MED26: variants seen among roughly 807,000 people sequenced by gnomAD.
MED26 encodes the protein mediator complex subunit 26.
In MED26, 7 loss-of-function variants were observed where a neutral mutation model predicts 43.7. The observed-to-expected ratio is 0.16, with a 90% CI of 0.09 to 0.30. The LOEUF is 0.30. MED26 is among the 10% of genes least tolerant of loss of function. The probability of loss-of-function intolerance (pLI) is 1.00; values close to 1 mark genes in which losing one functional copy is unlikely to be tolerated. For missense variants in MED26, 784 were observed against 840.6 expected (o/e 0.93, Z 0.83); for synonymous variants, 375 against 371.1 (o/e 1.01, Z -0.12).
intron 1 of MED26, among the ~76,000 whole-genome samples, chr19:16,582,375 C>T (rs773726399): frequency 2.0e-5 from 3 of 152,204 alleles, no homozygotes; most frequent in Non-Finnish European, 4.4e-5. Context: ...GGCCTGGCCC[C>T]GACCCCAGGC....
rs926684804 is a variant in MED26 at position 16,584,309 on chromosome 19, G to A, written c.73-5900C>T. On this transcript the variant is annotated intron_variant, in intron 1 of 2. Transcript: ENST00000263390. ...CCCAAACACTGCCCCCCCCCGCCCC[G>A]CCAAAAAAAAACAAAAAACAAAACA... is the stretch of plus-strand genomic sequence containing the variant. Among the ~76,000 whole-genome samples, 5 of 126,006 alleles carry A rather than the reference G, an allele frequency of 4.0e-5. 1 individual carries two copies. Among genetic ancestry groups the A allele is most frequent in the Non-Finnish European group, 6.6e-5 (4 of 60,382 alleles). 82.7% of individuals were successfully genotyped at this position (126,006 alleles called of 152,430 possible). A position where few individuals can be genotyped will look rare whatever the true frequency, so the allele number is the denominator to read the frequency against.
chr19:16,615,171 G>A (rs1040191167), intron 1 of MED26, among the ~76,000 whole-genome samples: 1 of 152,174 alleles, frequency 6.6e-6, no homozygotes, highest in Non-Finnish European at 1.5e-5. Context: ...ATAGTCAGAA[G>A]ACAGGGATGC....
At chr19:16,596,301 A>G (rs2086119730) in intron 1 of MED26, among the ~76,000 whole-genome samples, 1 of 152,266 alleles carries the variant, frequency 6.6e-6, no homozygotes, top group Non-Finnish European at 1.5e-5. Context: ...ATGCTGCGTC[A>G]GAGCTGTTAT....
At chr19:16,604,366 G>T (rs2086163035) in intron 1 of MED26, among the ~76,000 whole-genome samples, 1 of 152,208 alleles carries the variant, frequency 6.6e-6, no homozygotes, top group Non-Finnish European at 1.5e-5. Context: ...CAGGGACAGG[G>T]GTCAAAGGAG....
chr19:16,579,196 G>C lies in MED26; in HGVS notation c.73-787C>G, dbSNP rs563438391. Among the ~76,000 whole-genome samples the C allele has an allele frequency of 1.1e-4, 16 of 152,284 alleles. No homozygotes were observed. In the South Asian group the frequency reaches 3.1e-3, roughly 30 times the overall value. On this transcript the variant is annotated intron_variant, in intron 1 of 2. Transcript: ENST00000263390. ...AAGTCACAAAGTGGGAGAAGGCATA[G>C]GCCACAGGCCCCCAAGGAGCTGTAT...
chr19:16,618,849 AAACGTTTGGT>A (rs1041827503), intron 1 of MED26, among the ~76,000 whole-genome samples: 2 of 152,228 alleles, frequency 1.3e-5, no homozygotes, highest in African/African-American at 4.8e-5. Context: ...AGGCATAAGG[AAACGTTTGGT>A]GGGGCTTCCA....
chr19:16,605,380 C>T (rs2086167885), intron 1 of MED26, among the ~76,000 whole-genome samples: 1 of 152,188 alleles, frequency 6.6e-6, no homozygotes, highest in Admixed American at 6.5e-5. Context: ...GTGGGCAGGA[C>T]ACACTGATGA....
rs1002681549 is a variant in MED26 at position 16,577,781 on chromosome 19, C to T, written c.148-99G>A. On this transcript the variant is annotated intron_variant, in intron 2 of 2. Coordinates refer to ENST00000263390, the MANE Select transcript of MED26 (RefSeq NM_004831.5). This position sits in a 1 kb window ranked among gnomAD's most constrained non-coding sequence, Gnocchi z 8.1. ...AAGTGGCCCTGACAGTGAAATGACCCGGTTCCCACTGAGCCCTAAACTGCC... is the reference window on the plus strand; with the variant it reads ...AAGTGGCCCTGACAGTGAAATGACCTGGTTCCCACTGAGCCCTAAACTGCC... 17 of 929,512 alleles carry T rather than the reference C, an allele frequency of 1.8e-5. No individual in the cohort carries two copies. The Admixed American group carries it at 3.5e-4, about 19-fold the overall frequency. 57.6% of individuals were successfully genotyped at this position (929,512 alleles called of 1,614,324 possible).
At chr19:16,609,651 CTTCA>C (rs1276006666) in intron 1 of MED26, among the ~76,000 whole-genome samples, 3 of 151,674 alleles carry the variant, frequency 2.0e-5, no homozygotes, top group Admixed American at 2.0e-4. Flanking sequence ...TAAATTAGAG[CTTCA>C]TTATTTTGAA....
At chr19:16,578,465 G>C (rs1018118059) in intron 1 of MED26, 56 bp from the exon 2 acceptor site, 2 of 1,543,158 alleles carry the variant, frequency 1.3e-6, no homozygotes, top group Non-Finnish European at 1.8e-6. Context: ...TGGGAGGCTG[G>C]AACACCCTGC....
intron 1 of MED26, among the ~76,000 whole-genome samples, chr19:16,627,111 G>A (rs1245598550): frequency 2.6e-5 from 4 of 152,060 alleles, no homozygotes; most frequent in Non-Finnish European, 4.4e-5. Flanking sequence ...CAGAGCTCTT[G>A]GGTAAACGGG....
At chr19:16,595,948 G>A (rs2086118224) in intron 1 of MED26, among the ~76,000 whole-genome samples, 2 of 152,114 alleles carry the variant, frequency 1.3e-5, no homozygotes, top group African/African-American at 2.4e-5. Context: ...CAATTCCCAG[G>A]TGTTAAACTT....
chr19:16,602,828 C>T (rs1377442368), intron 1 of MED26, among the ~76,000 whole-genome samples: 6 of 151,922 alleles, frequency 3.9e-5, no homozygotes, highest in Non-Finnish European at 7.4e-5. Context: ...GCCCAGGGCT[C>T]GGGAAGGGGA....
At chr19:16,615,323 C>T (rs1034541894) in intron 1 of MED26, among the ~76,000 whole-genome samples, 2 of 152,192 alleles carry the variant, frequency 1.3e-5, no homozygotes, top group Non-Finnish European at 2.9e-5. Flanking sequence ...GAAGGGCTAC[C>T]TGACCCAGAG....
chr19:16,618,284 G>A (rs1447748641), intron 1 of MED26, among the ~76,000 whole-genome samples: 1 of 152,190 alleles, frequency 6.6e-6, no homozygotes, highest in Non-Finnish European at 1.5e-5. Context: ...CACCTGGACC[G>A]CACCACCTCC....
chr19:16,627,489 T>C (rs1488501878), intron 1 of MED26, among the ~76,000 whole-genome samples: 2 of 152,200 alleles, frequency 1.3e-5, no homozygotes, highest in Non-Finnish European at 2.9e-5. Context: ...TTCACAGCCC[T>C]TCTCCCTCCC....
chr19:16,583,187 G>A (rs1164126940), intron 1 of MED26, among the ~76,000 whole-genome samples: 5 of 152,254 alleles, frequency 3.3e-5, no homozygotes, highest in African/African-American at 1.2e-4. Flanking sequence ...CTTGCTGTCA[G>A]GAATAGCCTG....
At chr19:16,597,013 A>T (rs1373324177) in intron 1 of MED26, among the ~76,000 whole-genome samples, 4 of 152,210 alleles carry the variant, frequency 2.6e-5, no homozygotes, top group Non-Finnish European at 5.9e-5. Context: ...CCACGCCCAC[A>T]TGGTCAGAGG....
Position 16,581,015 on chromosome 19 carries a change from T to C in MED26, c.73-2606A>G, listed in dbSNP as rs886940881. Among the ~76,000 whole-genome samples the C allele has an allele frequency of 1.7e-4, 26 of 152,198 alleles. 1 individual carries two copies. The highest frequency in any genetic ancestry group is 6.0e-4 in the African/African-American group (25 of 41,442). ...TTGAGGGCTGTTAATTCTGCTGGCC[T>C]CATGGATTCTGGCTTTTCTACTCTT... On this transcript the variant is annotated intron_variant, in intron 1 of 2. Transcript: ENST00000263390.
Sources: gnomAD v4.1 joint callset for allele counts (sites outside exome capture counted in the v4.1 genomes callset) on GRCh38, gnomAD v4.1.1 for gene constraint, Gnocchi (gnomAD v3.1) non-coding constraint, MANE v1.5 for transcripts, NCBI Gene and HGNC (gene_info 2026-07-23, HGNC 2026-07-21) for gene names.